KIAA1217: variants seen among roughly 807,000 people sequenced by gnomAD.
KIAA1217 encodes sickle tail protein homolog.
In KIAA1217, 88 loss-of-function variants were observed where a neutral mutation model predicts 163.9. The observed-to-expected ratio is 0.54, with a 90% confidence interval of 0.45 to 0.64. The LOEUF (loss-of-function observed/expected upper bound fraction) is 0.64, where lower values mean the gene tolerates loss of function less well. Among genes scored for constraint, KIAA1217 ranks in the 30% least tolerant of loss-of-function variants. The probability of loss-of-function intolerance (pLI) is 0.00; values close to 1 mark genes in which losing one functional copy is unlikely to be tolerated. For missense variants in KIAA1217, 2,372 were observed against 2,475.0 expected, an observed-to-expected ratio of 0.96 and a Z score of 0.88; for synonymous variants, 903 against 923.1, an observed-to-expected ratio of 0.98 and a Z score of 0.39.
intron 2 of KIAA1217, among the ~76,000 whole-genome samples, chr10:24,202,842 C>T (rs904568607): frequency 6.6e-6 from 1 of 152,090 alleles, no homozygotes; most frequent in Admixed American, 6.6e-5. Context: ...CAGCAATGCC[C>T]CCCAAATAAT....
At chr10:24,501,098 TAAAC>T (rs1262283695) in intron 8 of KIAA1217, among the ~76,000 whole-genome samples, 4 of 140,542 alleles carry the variant, frequency 2.8e-5, no homozygotes, top group Admixed American at 6.9e-5. Context: ...AAAAAAAAAA[TAAAC>T]AAAATTGATC....
At chr10:24,015,044 T>C (rs1847412425) in intron 2 of KIAA1217, among the ~76,000 whole-genome samples, 1 of 152,138 alleles carries the variant, frequency 6.6e-6, no homozygotes. Flanking sequence ...GTTATCAAAA[T>C]TGTCCTAAAC....
At chr10:23,982,852 C>A (rs1261131479) in intron 1 of KIAA1217, among the ~76,000 whole-genome samples, 2 of 152,134 alleles carry the variant, frequency 1.3e-5, no homozygotes, top group African/African-American at 2.4e-5. Context: ...GCATGAGCCA[C>A]AGCACCCGGC....
intron 1 of KIAA1217, among the ~76,000 whole-genome samples, chr10:23,864,523 A>AACACACAC (rs10544205): frequency 0.013 from 1,980 of 147,330 alleles, 13 homozygotes; most frequent in East Asian, 0.025. Flanking sequence ...TACACACACC[A>AACACACAC]ACACACACAC....
At chr10:24,410,872 C>T (rs1364849575) in intron 3 of KIAA1217, among the ~76,000 whole-genome samples, 4 of 152,132 alleles carry the variant, frequency 2.6e-5, no homozygotes, top group Non-Finnish European at 4.4e-5. Flanking sequence ...AACTCTTTTT[C>T]CCCCCAAAGT....
At chr10:23,755,122 G>T (rs77122659) in intron 1 of KIAA1217, among the ~76,000 whole-genome samples, 4 of 152,046 alleles carry the variant, frequency 2.6e-5, no homozygotes, top group African/African-American at 9.7e-5. Context: ...CACCCACGGC[G>T]GACGCTTCCA....
At chr10:24,365,402 T>C (rs576892587) in intron 2 of KIAA1217, among the ~76,000 whole-genome samples, 10 of 86,022 alleles carry the variant, frequency 1.2e-4, no homozygotes, top group East Asian at 6.4e-4. Context: ...TTTTTTTTTG[T>C]CCCCCTTTTC....
chr10:24,399,222 C>T (rs546288526), intron 3 of KIAA1217, among the ~76,000 whole-genome samples: 1 of 152,304 alleles, frequency 6.6e-6, no homozygotes, highest in South Asian at 2.1e-4. Flanking sequence ...TAGCGATGAA[C>T]TGAGGTTTTT....
At position 24,547,495 on chromosome 10, in the gene KIAA1217, G is replaced by A. The variant is rs1241414787; in HGVS notation, c.*1171G>A. On this transcript the variant is annotated 3_prime_UTR_variant, in exon 21 of 21. Coordinates refer to ENST00000376454, the MANE Select transcript of KIAA1217 (RefSeq NM_019590.5). ...AAGGGCTGCATGCTTATTATTTTTT[G>A]TACCTTGTCACTATAACTACTTCCT... The A allele has an allele frequency of 6.6e-6, 1 of 152,394 alleles. No individual in the cohort carries two copies. The highest frequency in any genetic ancestry group is 1.5e-5 in the Non-Finnish European group (1 of 68,018). The allele number at this position is 152,394 out of a possible 1,614,324, so 9.4% of individuals were successfully genotyped here. A position where few individuals can be genotyped will look rare whatever the true frequency, so the allele number is the denominator to read the frequency against.
At chr10:24,287,411 GC>G (rs2078651684) in intron 2 of KIAA1217, among the ~76,000 whole-genome samples, 1 of 152,088 alleles carries the variant, frequency 6.6e-6, no homozygotes, top group African/African-American at 2.4e-5. Context: ...GCCAAAAACA[GC>G]CACGTTCATC....
intron 8 of KIAA1217, among the ~76,000 whole-genome samples, chr10:24,497,894 G>A (rs1051852704): frequency 6.6e-6 from 1 of 152,048 alleles, no homozygotes; most frequent in African/African-American, 2.4e-5. Flanking sequence ...CACTACTCAG[G>A]TGATGGGTGT....
At chr10:24,495,123 T>C in intron 7 of KIAA1217, 24 bp from the exon 8 acceptor site, 1 of 1,597,810 alleles carries the variant, frequency 6.3e-7, no homozygotes, top group East Asian at 2.2e-5. Context: ...ACTGCATAGC[T>C]GACTCTCTTT....
chr10:24,308,242 T>C (rs979761601), intron 2 of KIAA1217, among the ~76,000 whole-genome samples: 1 of 152,152 alleles, frequency 6.6e-6, no homozygotes, highest in Non-Finnish European at 1.5e-5. Flanking sequence ...TGATAGCACA[T>C]GTGTTTCAGA....
At chr10:24,430,328 T>A (rs993607698) in intron 3 of KIAA1217, among the ~76,000 whole-genome samples, 2 of 152,142 alleles carry the variant, frequency 1.3e-5, no homozygotes, top group Non-Finnish European at 2.9e-5. Context: ...GACTCTTCCA[T>A]CTTCTGTGGA....
At chr10:24,542,649 G>T in intron 17 of KIAA1217, 44 bp from the exon 18 acceptor site, 2 of 1,596,868 alleles carry the variant, frequency 1.3e-6, no homozygotes, top group Non-Finnish European at 1.7e-6. Flanking sequence ...TTTTTTGGGG[G>T]GATGTGGTTT....
At chr10:23,891,596 G>C (rs969865961) in intron 1 of KIAA1217, among the ~76,000 whole-genome samples, 1 of 151,902 alleles carries the variant, frequency 6.6e-6, no homozygotes, top group African/African-American at 2.4e-5. Context: ...GAATTCTAAG[G>C]TAATCATGGG....
At chr10:24,148,497 T>C (rs899800728) in intron 2 of KIAA1217, among the ~76,000 whole-genome samples, 3 of 152,218 alleles carry the variant, frequency 2.0e-5, no homozygotes, top group Non-Finnish European at 4.4e-5. Flanking sequence ...GGATCCCTCA[T>C]GAATAGTTTG....
At chr10:23,761,753 G>A (rs1834270923) in intron 1 of KIAA1217, among the ~76,000 whole-genome samples, 1 of 152,086 alleles carries the variant, frequency 6.6e-6, no homozygotes, top group Non-Finnish European at 1.5e-5. Context: ...ACAGAGTTCT[G>A]CAGACATCTA....
At chr10:23,978,238 C>T (rs185520583) in intron 1 of KIAA1217, among the ~76,000 whole-genome samples, 14 of 152,280 alleles carry the variant, frequency 9.2e-5, no homozygotes, top group Admixed American at 3.3e-4. Flanking sequence ...GCAAACTCTC[C>T]ATGTTCTGTC....
Sources: allele counts gnomAD v4.1 joint callset (sites outside exome capture counted in the v4.1 genomes callset), GRCh38; gene constraint gnomAD v4.1.1; transcripts MANE v1.5; gene names NCBI Gene and HGNC (gene_info 2026-07-23, HGNC 2026-07-21).